The following KCNMA1 variants were observed in gnomAD, a reference collection of about 807,000 sequenced individuals.
KCNMA1 encodes the protein Calcium-activated potassium channel subunit alpha-1.
KCNMA1 carries 29 observed loss-of-function variants against 140.0 expected under a neutral mutation model. That is an observed-to-expected ratio of 0.21 (90% CI 0.15 to 0.28). The LOEUF (loss-of-function observed/expected upper bound fraction) is 0.28. KCNMA1 is among the 10% of genes least tolerant of loss of function. KCNMA1 has a pLI of 1.00. For synonymous variants in KCNMA1, 612 were observed against 611.9 expected (o/e 1.00, Z 0.00); for missense variants, 880 against 1,602.2 (o/e 0.55, Z 7.70).
intron 5 of KCNMA1, among the ~76,000 whole-genome samples, chr10:77,168,913 T>C (rs1210927765): frequency 6.6e-6 from 1 of 152,208 alleles, no homozygotes; most frequent in Non-Finnish European, 1.5e-5. Flanking sequence ...GGTCCTATCT[T>C]CTTCATGTCA....
chr10:77,102,718 T>C (rs151045510), intron 9 of KCNMA1, among the ~76,000 whole-genome samples: 30 of 152,334 alleles, frequency 2.0e-4, no homozygotes, highest in African/African-American at 7.2e-4. Context: ...TTAGTTAGCA[T>C]CTCCTCCTCT....
At chr10:77,127,364 A>G (rs1473188819) in intron 5 of KCNMA1, among the ~76,000 whole-genome samples, 2 of 151,994 alleles carry the variant, frequency 1.3e-5, no homozygotes, top group Non-Finnish European at 2.9e-5. Context: ...AATGTGACAA[A>G]CTCCACAAAG....
At chr10:77,172,962 A>T (rs1404872718) in intron 5 of KCNMA1, among the ~76,000 whole-genome samples, 1 of 152,130 alleles carries the variant, frequency 6.6e-6, no homozygotes, top group Admixed American at 6.5e-5. Flanking sequence ...TAAGGGCACC[A>T]ATACCATTCC....
chr10:77,368,112 C>A (rs894693811), intron 2 of KCNMA1, among the ~76,000 whole-genome samples: 1 of 152,166 alleles, frequency 6.6e-6, no homozygotes, highest in Non-Finnish European at 1.5e-5. Context: ...TATAAGAAAA[C>A]TTCTAAACTG....
chr10:77,063,602 C>G (rs1047080636), intron 14 of KCNMA1: 22 of 446,788 alleles, frequency 4.9e-5, no homozygotes, highest in Non-Finnish European at 6.2e-5. Flanking sequence ...CTCAAAGTTC[C>G]AAATTCCTCA....
At chr10:77,338,711 A>G (rs562495662) in intron 2 of KCNMA1, among the ~76,000 whole-genome samples, 2 of 152,290 alleles carry the variant, frequency 1.3e-5, no homozygotes, top group South Asian at 4.1e-4. Flanking sequence ...GGCAGGTTGG[A>G]TCTCTTCAAA....
intron 5 of KCNMA1, among the ~76,000 whole-genome samples, chr10:77,161,863 A>G (rs1350929729): frequency 1.3e-5 from 2 of 152,228 alleles, no homozygotes; most frequent in Non-Finnish European, 2.9e-5. Flanking sequence ...GGTATTTGGA[A>G]TTCCCATATC....
rs141025773 is a variant in KCNMA1, at chr10:77,345,677, G to A, written c.540+58185C>T. ...GTTGGGTTATTATAGAAGCATCAGCGTCCGACACAGGTCTTCAACTGCCAT... is the reference window on the plus strand; with the variant it reads ...GTTGGGTTATTATAGAAGCATCAGCATCCGACACAGGTCTTCAACTGCCAT... On this transcript the variant is annotated intron_variant, in intron 2 of 27. Transcript: ENST00000286628. Among the ~76,000 whole-genome samples the A allele has an allele frequency of 3.5e-3, 527 of 152,290 alleles. 4 individuals carry two copies. Among genetic ancestry groups the A allele is most frequent in the African/African-American group, 0.012 (501 of 41,546 alleles).
chr10:77,152,348 A>G (rs1467495986), intron 5 of KCNMA1, among the ~76,000 whole-genome samples: 1 of 149,126 alleles, frequency 6.7e-6, no homozygotes, highest in Non-Finnish European at 1.5e-5. Context: ...GGGATGTCTC[A>G]GTTGGGGTTC....
At position 77,111,572 on chromosome 10, in the gene KCNMA1, T is replaced by TA. The variant is rs2097325442; in HGVS notation, c.960+794_960+795insT. ...AGGGCTGGGCAGGAGACTCTAGATC[T>TA]GGTGACTACGTGAGGCCCCATGCCC... On this transcript the variant is annotated intron_variant, in intron 7 of 27. Coordinates refer to ENST00000286628, the MANE Select transcript of KCNMA1 (RefSeq NM_001161352.2). 3.9e-5 allele frequency among the ~76,000 whole-genome samples: 6 copies of TA among 152,350 alleles called. No homozygotes were observed. The South Asian group carries it at 1.2e-3, about 32-fold the overall frequency.
In KCNMA1 at chr10:77,001,502, A is replaced by C. The variant is rs1461391708; in HGVS notation, c.2171T>G (p.Met724Arg). ...CGRSERDCSC[M>R]SGRVRGNVDT... ...CACGTTACCACGCACACGGCCTGAC[A>C]TGCATGAGCAGTCACGCTCAGAACG... The change falls in exon 19 of 28, where the codon ATG (methionine) becomes AGG (arginine). Residue 724 changes from methionine (M) to arginine (R), a missense_variant. By Grantham distance (91) the Met-to-Arg change is moderately conservative (BLOSUM62 -1). This residue lies in a region of KCNMA1 where 196 missense variants were observed against 233.0 expected (regional missense o/e 0.84). Coordinates refer to ENST00000286628, the MANE Select transcript of KCNMA1 (RefSeq NM_001161352.2). The C allele has an allele frequency of 6.4e-7, 1 of 1,551,866 alleles. No homozygotes were observed. Among genetic ancestry groups the C allele is most frequent in the African/African-American group, 1.4e-5 (1 of 73,074 alleles).
chr10:77,131,744 C>A (rs1408866935), intron 5 of KCNMA1, among the ~76,000 whole-genome samples: 1 of 151,980 alleles, frequency 6.6e-6, no homozygotes, highest in African/African-American at 2.4e-5. Flanking sequence ...GCAGGCGGAT[C>A]ACTTGAGGTC....
chr10:77,528,201 G>A (rs797002196), intron 1 of KCNMA1, among the ~76,000 whole-genome samples: 4 of 152,290 alleles, frequency 2.6e-5, no homozygotes, highest in African/African-American at 9.6e-5. Flanking sequence ...CAAGGTCAAG[G>A]CAACAACAGA....
chr10:77,457,845 C>T (rs1256462014), intron 1 of KCNMA1, among the ~76,000 whole-genome samples: 1 of 152,100 alleles, frequency 6.6e-6, no homozygotes, highest in African/African-American at 2.4e-5. Context: ...GAGTGCAGTG[C>T]CTCCATCCTG....
rs2076887151 is a variant in KCNMA1, at chr10:76,974,333, C to G, written c.2267-4266G>C. ...TTATTAATCGTTTTTTACGGTTTTC[C>G]CTTTTGGTATTTTGCTGCCCAACAA... On this transcript the variant is annotated intron_variant, in intron 19 of 27. Coordinates refer to ENST00000286628, the MANE Select transcript of KCNMA1 (RefSeq NM_001161352.2). 5.8e-6 allele frequency: 3 copies of G among 513,080 alleles called. No homozygotes were observed. The Admixed American group carries it at 1.1e-4, about 19-fold the overall frequency. 31.8% of individuals were successfully genotyped at this position (513,080 alleles called of 1,614,324 possible). A position where few individuals can be genotyped will look rare whatever the true frequency, so the allele number is the denominator to read the frequency against.
chr10:77,473,827 G>T (rs117962396), intron 1 of KCNMA1, among the ~76,000 whole-genome samples: 239 of 152,298 alleles, frequency 1.6e-3, no homozygotes, highest in Non-Finnish European at 2.6e-3. Flanking sequence ...ATCCAAATTA[G>T]ATCCTTAATA....
At position 77,459,852 on chromosome 10, in the gene KCNMA1, C is replaced by G. The variant is rs541636360; in HGVS notation, c.379-55829G>C. 2.6e-5 allele frequency among the ~76,000 whole-genome samples: 4 copies of G among 152,330 alleles called. No individual in the cohort carries two copies. The South Asian group carries it at 6.2e-4, about 24-fold the overall frequency. On this transcript the variant is annotated intron_variant, in intron 1 of 27. Transcript: ENST00000286628. ...AGGCGCACTATTTGATCTCTCTGAGCCTGCATTTCCTCATCTATAAAGTGG... is the reference window on the plus strand; with the variant it reads ...AGGCGCACTATTTGATCTCTCTGAGGCTGCATTTCCTCATCTATAAAGTGG...
chr10:77,312,924 A>G (rs2079733853), intron 2 of KCNMA1, among the ~76,000 whole-genome samples: 1 of 152,198 alleles, frequency 6.6e-6, no homozygotes, highest in Admixed American at 6.5e-5. Context: ...GCTGGGGGAC[A>G]AAATAAACAA....
chr10:77,196,594 A>G (rs1289867318), intron 3 of KCNMA1, among the ~76,000 whole-genome samples: 1 of 152,206 alleles, frequency 6.6e-6, no homozygotes, highest in Non-Finnish European at 1.5e-5. Context: ...AATAGGAGGA[A>G]AAAGGACTGT....
Sources: gnomAD v4.1 joint callset for allele counts (sites outside exome capture counted in the v4.1 genomes callset) on GRCh38, gnomAD v4.1.1 for gene constraint, gnomAD v4.1.1 regional missense constraint, MANE v1.5 for transcripts, NCBI Gene and HGNC (gene_info 2026-07-23, HGNC 2026-07-21) for gene names.